The following LRRC4C variants were observed in gnomAD, a reference collection of about 807,000 sequenced individuals.
The protein encoded by LRRC4C is leucine rich repeat containing 4C, also known as leucine-rich repeat-containing protein 4C.
LRRC4C carries 5 observed loss-of-function variants against 33.6 expected under a neutral mutation model. That is an observed-to-expected ratio of 0.15 (90% CI 0.08 to 0.31). The LOEUF (loss-of-function observed/expected upper bound fraction) is 0.31. LRRC4C is among the 10% of genes least tolerant of loss of function. The pLI is 1.00. For missense variants in LRRC4C, 560 were observed against 796.7 expected, an observed-to-expected ratio of 0.70 and a Z score of 3.58; for synonymous variants, 329 against 302.0, an observed-to-expected ratio of 1.09 and a Z score of -0.93.
intron 6 of LRRC4C, among the ~76,000 whole-genome samples, chr11:40,121,924 G>A (rs1377962342): frequency 1.3e-5 from 2 of 152,194 alleles, no homozygotes; most frequent in Non-Finnish European, 2.9e-5. Context: ...GCTTACCCCT[G>A]GACCCTAAGA....
At chr11:41,258,337 G>A (rs1316227587) in intron 1 of LRRC4C, among the ~76,000 whole-genome samples, 1 of 151,946 alleles carries the variant, frequency 6.6e-6, no homozygotes, top group Admixed American at 6.6e-5. Context: ...GTATATGTTA[G>A]CCTTCACGAG....
In LRRC4C at chr11:40,444,254, G is replaced by A. The variant is rs1435884565; in HGVS notation, c.-269-124533C>T. 2.6e-5 allele frequency among the ~76,000 whole-genome samples: 4 copies of A among 151,938 alleles called. No individual in the cohort carries two copies. In the East Asian group the frequency reaches 7.7e-4, roughly 29 times the overall value. On this transcript the variant is annotated intron_variant, in intron 3 of 6. Coordinates refer to ENST00000528697, the MANE Select transcript of LRRC4C (RefSeq NM_001258419.2). Reference sequence around the variant, plus strand: ...CTAAGAACACAAGTAGTTAGTGAAAGACCCTGGATTTTAGCTAAGGAAGCC... The same window carrying A: ...CTAAGAACACAAGTAGTTAGTGAAAAACCCTGGATTTTAGCTAAGGAAGCC...
intron 3 of LRRC4C, among the ~76,000 whole-genome samples, chr11:40,323,507 G>T (rs1010043756): frequency 1.3e-5 from 2 of 152,076 alleles, no homozygotes; most frequent in Non-Finnish European, 2.9e-5. Context: ...ATTGCCAGCC[G>T]ATTTTCAGAC....
At chr11:41,151,513 GTT>G (rs769088831) in intron 1 of LRRC4C, among the ~76,000 whole-genome samples, 221 of 152,274 alleles carry the variant, frequency 1.5e-3, no homozygotes, top group Admixed American at 3.3e-3. Context: ...GTGTGGACAT[GTT>G]TTCATACAAT....
chr11:40,211,630 C>T (rs1283424177), intron 5 of LRRC4C, among the ~76,000 whole-genome samples: 1 of 152,170 alleles, frequency 6.6e-6, no homozygotes, highest in Non-Finnish European at 1.5e-5. Flanking sequence ...TTGGGGCCTA[C>T]ACTGAGCCCC....
At chr11:40,793,485 C>T (rs796296543) in intron 2 of LRRC4C, among the ~76,000 whole-genome samples, 4 of 152,292 alleles carry the variant, frequency 2.6e-5, no homozygotes, top group African/African-American at 9.6e-5. Flanking sequence ...ATTAAAACTA[C>T]ATTACTGTAA....
At chr11:41,353,222 CT>C (rs998317754) in intron 1 of LRRC4C, among the ~76,000 whole-genome samples, 1 of 151,872 alleles carries the variant, frequency 6.6e-6, no homozygotes, top group Non-Finnish European at 1.5e-5. Context: ...ACAAAAAATC[CT>C]GAGATTATTA....
intron 3 of LRRC4C, among the ~76,000 whole-genome samples, chr11:40,519,260 T>C (rs75517274): frequency 0.01 from 1,577 of 152,116 alleles, 23 homozygotes; most frequent in South Asian, 0.037. Context: ...AATAGTTTTT[T>C]AAAAAAGAGA....
intron 1 of LRRC4C, among the ~76,000 whole-genome samples, chr11:41,370,655 AG>A (rs1952713282): frequency 6.6e-6 from 1 of 151,938 alleles, no homozygotes; most frequent in Non-Finnish European, 1.5e-5. Flanking sequence ...TTTTCTTCCC[AG>A]TCTTGGGTAT....
chr11:40,653,165 A>G (rs1354898237), intron 2 of LRRC4C, among the ~76,000 whole-genome samples: 1 of 152,188 alleles, frequency 6.6e-6, no homozygotes, highest in East Asian at 1.9e-4. Flanking sequence ...GTTAGTTGGT[A>G]CCAGGAGTTC....
rs1857363290 is a variant in LRRC4C at position 41,040,429 on chromosome 11, C to CA, written c.-495-106707dup. ...TTTCAAGTGTACACATGCACAAAAGCAAAAACAACATTGACCGAGATTTTA... is the reference window on the plus strand; with the variant it reads ...TTTCAAGTGTACACATGCACAAAAGCAAAAAACAACATTGACCGAGATTTTA... On this transcript the variant is annotated intron_variant, in intron 1 of 6. Coordinates refer to ENST00000528697, the MANE Select transcript of LRRC4C (RefSeq NM_001258419.2). Among the ~76,000 whole-genome samples the CA allele has an allele frequency of 2.0e-5, 3 of 152,088 alleles. No homozygotes were observed. In the South Asian group the frequency reaches 6.2e-4, roughly 32 times the overall value.
chr11:40,793,144 T>C (rs1185897143), intron 2 of LRRC4C, among the ~76,000 whole-genome samples: 1 of 151,630 alleles, frequency 6.6e-6, no homozygotes, highest in South Asian at 2.1e-4. Context: ...AATAAAAAAA[T>C]TAAAAATAAA....
At chr11:40,970,116 G>A (rs955915671) in intron 1 of LRRC4C, among the ~76,000 whole-genome samples, 10 of 152,252 alleles carry the variant, frequency 6.6e-5, no homozygotes, top group African/African-American at 2.4e-4. Context: ...GACTCTAGAC[G>A]TGTGAATGAG....
chr11:40,370,899 G>T (rs1392008669), intron 3 of LRRC4C, among the ~76,000 whole-genome samples: 1 of 151,774 alleles, frequency 6.6e-6, no homozygotes, highest in Non-Finnish European at 1.5e-5. Context: ...GATTTTTATA[G>T]GCCCACCTCT....
At chr11:41,371,545 T>A (rs1952747596) in intron 1 of LRRC4C, among the ~76,000 whole-genome samples, 1 of 152,094 alleles carries the variant, frequency 6.6e-6, no homozygotes, top group South Asian at 2.1e-4. Flanking sequence ...GAAGACAACC[T>A]AACGAAAAAG....
At chr11:40,233,790 A>G (rs1865367309) in intron 5 of LRRC4C, among the ~76,000 whole-genome samples, 1 of 152,176 alleles carries the variant, frequency 6.6e-6, no homozygotes, top group Admixed American at 6.5e-5. Flanking sequence ...TAATTGTTAA[A>G]ACATAGGACT....
At chr11:40,283,738 C>T (rs1324413287) in intron 4 of LRRC4C, among the ~76,000 whole-genome samples, 2 of 122,728 alleles carry the variant, frequency 1.6e-5, no homozygotes, top group Non-Finnish European at 3.2e-5. Context: ...GAGTTTCACT[C>T]TCGTTACCCA....
chr11:40,413,255 A>G (rs1950214170), intron 3 of LRRC4C, among the ~76,000 whole-genome samples: 1 of 152,074 alleles, frequency 6.6e-6, no homozygotes, highest in South Asian at 2.1e-4. Context: ...AAGCTCCATC[A>G]AGATGACAAT....
chr11:40,971,922 C>T (rs1565257475), intron 1 of LRRC4C, among the ~76,000 whole-genome samples: 1 of 152,116 alleles, frequency 6.6e-6, no homozygotes, highest in Non-Finnish European at 1.5e-5. Context: ...GGGCCTGTAG[C>T]TCCTTTGTTT....
Sources: gnomAD v4.1 joint callset for allele counts (sites outside exome capture counted in the v4.1 genomes callset) on GRCh38, gnomAD v4.1.1 for gene constraint, MANE v1.5 for transcripts, NCBI Gene and HGNC (gene_info 2026-07-23, HGNC 2026-07-21) for gene names.